CAPN5: variants seen among roughly 807,000 people sequenced by gnomAD.
CAPN5 encodes the protein calpain-5.
A neutral mutation model predicts 73.0 loss-of-function variants in CAPN5; 54 were observed. The ratio of observed to expected loss-of-function variants is 0.74; its 90% CI spans 0.59 to 0.93. The LOEUF (loss-of-function observed/expected upper bound fraction) is 0.93, where lower values mean the gene tolerates loss of function less well. CAPN5 is among the 40% of genes least tolerant of loss of function. The pLI, the probability that CAPN5 is intolerant of heterozygous loss-of-function variation, is 0.00. For synonymous variants in CAPN5, 335 were observed against 356.9 expected (o/e 0.94, Z 0.69); for missense variants, 785 against 882.9 (o/e 0.89, Z 1.41).
intron 1 of CAPN5, among the ~76,000 whole-genome samples, chr11:77,075,666 T>G (rs1949961693): frequency 6.6e-6 from 1 of 152,222 alleles, no homozygotes; most frequent in Non-Finnish European, 1.5e-5. Context: ...CCAGGGCCAC[T>G]GTGCTGGCTT....
chr11:77,112,645 G>T lies in CAPN5; in HGVS notation c.354G>T (p.Ala118=). ...EWDPEKPNAY[A]GIFHFHFWRF... is the part of the protein sequence containing the mutation. ...ACCCCGAAAAGCCCAACGCCTACGC[G>T]GGCATCTTCCACTTCCACTTCTGGC... Residue 118 remains alanine, a synonymous_variant, in exon 4 of 13, where the codon GCG becomes GCT. Transcript: ENST00000648180. 6.2e-7 allele frequency: 1 copy of T among 1,614,150 alleles called. No individual in the cohort carries two copies. The highest frequency in any genetic ancestry group is 8.5e-7 in the Non-Finnish European group (1 of 1,180,024).
chr11:77,118,660 C>G (rs1950492254), intron 8 of CAPN5, among the ~76,000 whole-genome samples: 1 of 152,228 alleles, frequency 6.6e-6, no homozygotes, highest in South Asian at 2.1e-4. Flanking sequence ...CCCCTTGTTT[C>G]CACAACAGCA....
chr11:77,123,923 C>T lies in CAPN5; in HGVS notation c.*53C>T. The T allele has an allele frequency of 6.4e-7, 1 of 1,552,956 alleles. No homozygotes were observed. Among genetic ancestry groups the T allele is most frequent in the Non-Finnish European group, 8.8e-7 (1 of 1,135,426 alleles). The stretch of plus-strand genomic sequence containing the variant: ...GTTCCCACCACCATCTGCATGTCCC[C>T]ACTGGGCCTGAGTCTAGCCTGGGAG... On this transcript the variant is annotated 3_prime_UTR_variant, in exon 13 of 13. Transcript: ENST00000648180.
At chr11:77,087,295 G>A (rs1435198966) in intron 2 of CAPN5, among the ~76,000 whole-genome samples, 1 of 152,234 alleles carries the variant, frequency 6.6e-6, no homozygotes, top group Non-Finnish European at 1.5e-5. Flanking sequence ...CTTGCTTGGC[G>A]GGCCCAGCCC....
chr11:77,098,226 G>T (rs1163496373), intron 3 of CAPN5, among the ~76,000 whole-genome samples: 2 of 84,164 alleles, frequency 2.4e-5, no homozygotes, highest in Non-Finnish European at 4.7e-5. Flanking sequence ...CGGGCAGGGG[G>T]GCTGACCCCC....
At chr11:77,109,865 C>T (rs897195253) in intron 3 of CAPN5, among the ~76,000 whole-genome samples, 1 of 152,176 alleles carries the variant, frequency 6.6e-6, no homozygotes, top group Non-Finnish European at 1.5e-5. Context: ...AGCCAAGCCT[C>T]GAGTTTGACT....
intron 1 of CAPN5, among the ~76,000 whole-genome samples, chr11:77,069,316 T>C (rs1266677987): frequency 1.3e-5 from 2 of 152,216 alleles, no homozygotes; most frequent in Non-Finnish European, 2.9e-5. Context: ...GTAGCCATTG[T>C]TACTAATAGC....
rs1202355983 is a variant in CAPN5 at position 77,124,174 on chromosome 11, G to A, written c.*304G>A. The A allele has an allele frequency of 8.4e-6, 3 of 355,676 alleles. No homozygotes were observed. The highest frequency in any genetic ancestry group is 2.1e-5 in the African/African-American group (1 of 48,664). The allele number at this position is 355,676 out of a possible 1,614,324, so 22.0% of individuals were successfully genotyped here. Reference sequence around the variant, plus strand: ...TTTTCCTAAGGCCCTGCTGTCTGCCGAGGAGCGCCAAGAAGATGTCACTTG... The same window carrying A: ...TTTTCCTAAGGCCCTGCTGTCTGCCAAGGAGCGCCAAGAAGATGTCACTTG... On this transcript the variant is annotated 3_prime_UTR_variant, in exon 13 of 13. Transcript: ENST00000648180.
rs376684485 is a variant in CAPN5 at position 77,120,806 on chromosome 11, G to A, written c.1384G>A (p.Asp462Asn). The A allele has an allele frequency of 2.2e-5, 36 of 1,613,982 alleles. No homozygotes were observed. The highest frequency in any genetic ancestry group is 2.3e-5 in the Non-Finnish European group (27 of 1,179,992). The change falls in exon 10 of 13, where the codon GAC (aspartate) becomes AAC (asparagine). Residue 462 changes from aspartate (D) to asparagine (N), a missense_variant. Asp to Asn is a conservative substitution (Grantham distance 23). Coordinates refer to ENST00000648180, the MANE Select transcript of CAPN5 (RefSeq NM_004055.5). ...CTCACGCAGCGTCTTCCTGCGCACCGACCAGCCCGAGGGCCGCTATGTCAT... is the reference window on the plus strand; with the variant it reads ...CTCACGCAGCGTCTTCCTGCGCACCAACCAGCCCGAGGGCCGCTATGTCAT... ...INSRSVFLRT[D>N]QPEGRYVIIP...
chr11:77,103,199 C>T (rs371244537), intron 3 of CAPN5: 13 of 1,613,742 alleles, frequency 8.1e-6, no homozygotes, highest in African/African-American at 6.7e-5. Flanking sequence ...GGAATGAGGC[C>T]GACGCCCTGG....
chr11:77,076,732 T>C (rs984167719), intron 1 of CAPN5, among the ~76,000 whole-genome samples: 1 of 152,236 alleles, frequency 6.6e-6, no homozygotes, highest in Admixed American at 6.5e-5. Flanking sequence ...TTACATTGTA[T>C]GTATATACCA....
At chr11:77,072,840 C>T (rs147941035) in intron 1 of CAPN5, among the ~76,000 whole-genome samples, 1 of 152,282 alleles carries the variant, frequency 6.6e-6, no homozygotes, top group African/African-American at 2.4e-5. Flanking sequence ...GGTGATAAAC[C>T]CGCCAGATTG....
At chr11:77,112,536 C>T in intron 3 of CAPN5, 53 bp from the exon 4 acceptor site, 1 of 1,407,830 alleles carries the variant, frequency 7.1e-7, no homozygotes, top group Non-Finnish European at 1.0e-6. Flanking sequence ...CCTCAGGAAG[C>T]CGGACATCCC....
chr11:77,093,665 C>T lies in CAPN5; in HGVS notation c.166-17C>T, dbSNP rs782240556. 1 of 1,565,348 alleles carries T rather than the reference C, an allele frequency of 6.4e-7. No individual in the cohort carries two copies. The highest frequency in any genetic ancestry group is 8.6e-7 in the Non-Finnish European group (1 of 1,159,880). ...TGCTCCTCCGCCCCTCACGCTCTCTCCTCGCCTTCTCCGCAGGGCATCTGC... is the reference window on the plus strand; with the variant it reads ...TGCTCCTCCGCCCCTCACGCTCTCTTCTCGCCTTCTCCGCAGGGCATCTGC... On this transcript the variant is annotated splice_polypyrimidine_tract_variant and intron_variant, in intron 2 of 12. Transcript: ENST00000648180.
chr11:77,088,272 C>T (rs1484772275), intron 2 of CAPN5, among the ~76,000 whole-genome samples: 3 of 152,070 alleles, frequency 2.0e-5, no homozygotes, highest in African/African-American at 7.2e-5. Context: ...AGCCCAGTCC[C>T]GGGGACTCTT....
chr11:77,122,641 A>G lies in CAPN5; in HGVS notation c.1669A>G (p.Thr557Ala), dbSNP rs1432315849. 1 of 1,612,804 alleles carries G rather than the reference A, an allele frequency of 6.2e-7. No homozygotes were observed. The highest frequency in any genetic ancestry group is 8.5e-7 in the Non-Finnish European group (1 of 1,179,584). ...AGTCCGCTCGGCTGTGCAGAAGGGCACCTCCACACCAGAGTACAATGTGAA... is the reference window on the plus strand; with the variant it reads ...AGTCCGCTCGGCTGTGCAGAAGGGCGCCTCCACACCAGAGTACAATGTGAA... ...DKVRSAVQKG[T>A]STPEYNVKGI... Residue 557 changes from threonine to alanine, a missense_variant, in exon 12 of 13, where the codon ACC (threonine) becomes GCC (alanine). Coordinates refer to ENST00000648180, the MANE Select transcript of CAPN5 (RefSeq NM_004055.5).
Position 77,120,701 on chromosome 11 carries a change from C to T in CAPN5, c.1291-12C>T, listed in dbSNP as rs148562841. ...TGTCTCCGCGTGGCCCAGCCCCTCC[C>T]GCCTCCTGCAGGTGGAGGAGAACCG... On this transcript the variant is annotated splice_polypyrimidine_tract_variant and intron_variant, in intron 9 of 12. Transcript: ENST00000648180. The T allele has an allele frequency of 2.3e-4, 363 of 1,592,244 alleles. No homozygotes were observed. The highest frequency in any genetic ancestry group is 1.5e-3 in the Admixed American group (88 of 59,406).
chr11:77,115,440 G>T lies in CAPN5; in HGVS notation c.745G>T (p.Val249Leu), dbSNP rs1463855627. 6.2e-7 allele frequency: 1 copy of T among 1,611,100 alleles called. No individual in the cohort carries two copies. Among genetic ancestry groups the T allele is most frequent in the Admixed American group, 1.7e-5 (1 of 59,992 alleles). The stretch of plus-strand genomic sequence containing the variant: ...GGAGGCCCGCCTGGCGTGCGGCCTG[G>T]TAAAGGGCCACGCATACGCCGTCAC... ...DMEARLACGL[V>L]KGHAYAVTDV... The change falls in exon 6 of 13, where the codon GTA becomes TTA. Residue 249 changes from valine (V) to leucine (L), a missense_variant. Physicochemically the swap from Val to Leu is conservative, Grantham distance 32. Coordinates refer to ENST00000648180, the MANE Select transcript of CAPN5 (RefSeq NM_004055.5).
At position 77,084,881 on chromosome 11, in the gene CAPN5, G is replaced by A; in HGVS notation, c.-6G>A. The stretch of plus-strand genomic sequence containing the variant: ...TCCCCCTCCCCTCCCTGGGGCAGCA[G>A]CCACCATGTTCTCGTGTGTGAAGCC... On this transcript the variant is annotated 5_prime_UTR_variant, in exon 2 of 13. Transcript: ENST00000648180. The A allele has an allele frequency of 6.2e-7, 1 of 1,614,038 alleles. No homozygotes were observed. Among genetic ancestry groups the A allele is most frequent in the Non-Finnish European group, 8.5e-7 (1 of 1,180,024 alleles).
Sources: gnomAD v4.1 joint callset for allele counts (sites outside exome capture counted in the v4.1 genomes callset) on GRCh38, gnomAD v4.1.1 for gene constraint, MANE v1.5 for transcripts, NCBI Gene and HGNC (gene_info 2026-07-23, HGNC 2026-07-21) for gene names.